Variants in ARHGAP26 observed in about 807,000 individuals in gnomAD.
The protein encoded by ARHGAP26 is rho GTPase-activating protein 26.
Under a neutral mutation model 104.8 loss-of-function variants are expected in ARHGAP26, and 38 were observed. The ratio of observed to expected loss-of-function variants is 0.36; its 90% CI spans 0.28 to 0.48. The LOEUF is 0.48. Among genes scored for constraint, ARHGAP26 ranks in the 20% least tolerant of loss-of-function variants. The pLI is 0.99. For missense variants in ARHGAP26, 704 were observed against 947.9 expected (o/e 0.74, Z 3.38); for synonymous variants, 341 against 340.0 (o/e 1.00, Z -0.03).
At chr5:143,216,890 A>G (rs1428599547) in intron 22 of ARHGAP26, 2 of 152,498 alleles carry the variant, frequency 1.3e-5, no homozygotes, top group Admixed American at 6.5e-5. Flanking sequence ...TCTTTTTTCC[A>G]GAGGAAAATG....
At chr5:142,878,743 C>T (rs146191180) in intron 3 of ARHGAP26, among the ~76,000 whole-genome samples, 4 of 152,240 alleles carry the variant, frequency 2.6e-5, no homozygotes, top group Non-Finnish European at 5.9e-5. Context: ...CCAAATGCTA[C>T]GGCCCTGAGG....
intron 17 of ARHGAP26, among the ~76,000 whole-genome samples, chr5:143,096,788 C>A (rs1792387595): frequency 6.6e-6 from 1 of 151,778 alleles, no homozygotes; most frequent in Non-Finnish European, 1.5e-5. Context: ...CACAGTTCAA[C>A]TTATCTTTTT....
In ARHGAP26 at chr5:142,821,707, G is replaced by A. The variant is rs1212669752; in HGVS notation, c.154+50792G>A. On this transcript the variant is annotated intron_variant, in intron 1 of 22. Coordinates refer to ENST00000645722, the MANE Select transcript of ARHGAP26 (RefSeq NM_001135608.3). ...CACATTAAAATTTGAGAAACACTTG[G>A]ACTGAGTAACCCTTCCCATTTGGTG... Among the ~76,000 whole-genome samples the A allele has an allele frequency of 2.0e-5, 3 of 152,148 alleles. No individual in the cohort carries two copies. The South Asian group carries it at 6.2e-4, about 32-fold the overall frequency.
At chr5:142,883,499 C>T (rs1357148142) in intron 4 of ARHGAP26, among the ~76,000 whole-genome samples, 1 of 152,198 alleles carries the variant, frequency 6.6e-6, no homozygotes, top group Non-Finnish European at 1.5e-5. Flanking sequence ...AACTCAGATT[C>T]ATGGAAATGA....
chr5:142,998,744 CAAAAA>C (rs1167897614), intron 11 of ARHGAP26, among the ~76,000 whole-genome samples: 1 of 149,132 alleles, frequency 6.7e-6, no homozygotes, highest in Non-Finnish European at 1.5e-5. Context: ...AAAAAAAGAA[CAAAAA>C]AAAAGAAAAA....
intron 8 of ARHGAP26, among the ~76,000 whole-genome samples, chr5:142,905,489 C>G (rs1234444841): frequency 1.3e-5 from 2 of 152,000 alleles, no homozygotes; most frequent in Admixed American, 6.6e-5. Flanking sequence ...AACCATAAAC[C>G]CTTTACCCAG....
In ARHGAP26 at chr5:142,906,305, T is replaced by C. The variant is rs566761665; in HGVS notation, c.833-1399T>C. 5.3e-5 allele frequency among the ~76,000 whole-genome samples: 8 copies of C among 152,336 alleles called. No individual in the cohort carries two copies. In the East Asian group the frequency reaches 5.8e-4, roughly 11 times the overall value. On this transcript the variant is annotated intron_variant, in intron 8 of 22. Coordinates refer to ENST00000645722, the MANE Select transcript of ARHGAP26 (RefSeq NM_001135608.3). ...GCAATCTGAAGGTAACACCTTAAGATCATGTAAATATCCTTCTCCTTATCA... is the reference window on the plus strand; with the variant it reads ...GCAATCTGAAGGTAACACCTTAAGACCATGTAAATATCCTTCTCCTTATCA...
At chr5:143,032,362 A>G (rs778330013) in intron 12 of ARHGAP26, among the ~76,000 whole-genome samples, 1 of 152,200 alleles carries the variant, frequency 6.6e-6, no homozygotes, top group South Asian at 2.1e-4. Flanking sequence ...TCCTGCGACA[A>G]CTCATCACAA....
intron 13 of ARHGAP26, among the ~76,000 whole-genome samples, chr5:143,040,095 A>G (rs1783231869): frequency 6.6e-6 from 1 of 152,158 alleles, no homozygotes; most frequent in South Asian, 2.1e-4. Flanking sequence ...GATTGTGTAA[A>G]GTCCCGGGAA....
In ARHGAP26 at chr5:143,076,892, G is replaced by T. The variant is rs75273437; in HGVS notation, c.1538+19145G>T. On this transcript the variant is annotated intron_variant, in intron 17 of 22. Transcript: ENST00000645722. ...CCTCGTATTCCTAAGTGCACTGATA[G>T]GTGCTTAGAGTTGTTTCTAAAGTTT... Among the ~76,000 whole-genome samples the T allele has an allele frequency of 7.0e-5, 8 of 113,944 alleles. No individual in the cohort carries two copies. The East Asian group carries it at 1.7e-3, about 25-fold the overall frequency. 74.8% of individuals were successfully genotyped at this position (113,944 alleles called of 152,430 possible). A position where few individuals can be genotyped will look rare whatever the true frequency, so the allele number is the denominator to read the frequency against.
At chr5:142,847,600 G>T (rs953244537) in intron 1 of ARHGAP26, among the ~76,000 whole-genome samples, 2 of 152,128 alleles carry the variant, frequency 1.3e-5, no homozygotes, top group African/African-American at 2.4e-5. Context: ...CAGGTGATCC[G>T]CCCACCTCGG....
At chr5:142,815,733 G>C (rs1004767433) in intron 1 of ARHGAP26, among the ~76,000 whole-genome samples, 3 of 152,218 alleles carry the variant, frequency 2.0e-5, no homozygotes, top group African/African-American at 7.2e-5. Flanking sequence ...ACCACTTTCA[G>C]ACTCATTCGA....
At chr5:142,928,925 A>G (rs1764314331) in intron 10 of ARHGAP26, among the ~76,000 whole-genome samples, 1 of 151,948 alleles carries the variant, frequency 6.6e-6, no homozygotes, top group African/African-American at 2.4e-5. Context: ...TCCCTTCCTC[A>G]TTCCATATTA....
intron 10 of ARHGAP26, among the ~76,000 whole-genome samples, chr5:142,924,385 A>C (rs1306621169): frequency 6.6e-6 from 1 of 152,232 alleles, no homozygotes; most frequent in African/African-American, 2.4e-5. Context: ...CCTGGGTTCA[A>C]GTGCAGGCTT....
At chr5:143,203,669 A>T (rs1808120441) in intron 20 of ARHGAP26, 1 of 152,236 alleles carries the variant, frequency 6.6e-6, no homozygotes, top group African/African-American at 2.4e-5. Flanking sequence ...CTTGGAACCA[A>T]CCCAAATGCC....
At position 142,890,152 on chromosome 5, in the gene ARHGAP26, ATATATATATATATATATATATAT is replaced by A. The variant is rs1240057631; in HGVS notation, c.487-4085_487-4063del. Reference sequence around the variant, plus strand: ...ACTCCGTCTTAAAAAAAAAAAAAAAATATATATATATATATATATATATATATATATATATATATATATATGAA... The same window carrying A: ...ACTCCGTCTTAAAAAAAAAAAAAAAAATATATATATATATATATATATGAA... On this transcript the variant is annotated intron_variant, in intron 5 of 22. Transcript: ENST00000645722. 3.2e-4 allele frequency among the ~76,000 whole-genome samples: 7 copies of A among 21,948 alleles called. 1 individual carries two copies. Among genetic ancestry groups the A allele is most frequent in the South Asian group, 1.6e-3 (1 of 630 alleles). The allele number at this position is 21,948 out of a possible 152,430, so 14.4% of individuals were successfully genotyped here.
intron 12 of ARHGAP26, among the ~76,000 whole-genome samples, chr5:143,025,202 G>A (rs1780878924): frequency 6.6e-6 from 1 of 152,104 alleles, no homozygotes; most frequent in African/African-American, 2.4e-5. Context: ...CACAACACCT[G>A]CATCTTATAT....
chr5:143,204,048 C>A (rs1266911123), intron 20 of ARHGAP26, among the ~76,000 whole-genome samples: 3 of 148,592 alleles, frequency 2.0e-5, no homozygotes, highest in Non-Finnish European at 4.4e-5. Context: ...GCACATGTAT[C>A]CCAGAACTTA....
At position 143,022,307 on chromosome 5, in the gene ARHGAP26, A is replaced by G. The variant is rs964525170; in HGVS notation, c.1144+8191A>G. The stretch of plus-strand genomic sequence containing the variant: ...AGGCTGGTCTCGGACTCCTGACCTC[A>G]GGTGATCCGCCTGCCTCGGCCTCCC... On this transcript the variant is annotated intron_variant, in intron 12 of 22. Transcript: ENST00000645722. Among the ~76,000 whole-genome samples the G allele has an allele frequency of 4.6e-5, 7 of 152,280 alleles. No homozygotes were observed. In the South Asian group the frequency reaches 1.5e-3, roughly 32 times the overall value.
Sources: allele counts gnomAD v4.1 joint callset (sites outside exome capture counted in the v4.1 genomes callset), GRCh38; gene constraint gnomAD v4.1.1; transcripts MANE v1.5; gene names NCBI Gene and HGNC (gene_info 2026-07-23, HGNC 2026-07-21).